The following PANK2 variants were observed in gnomAD, a reference collection of about 807,000 sequenced individuals.
PANK2 encodes pantothenate kinase 2, also known as pantothenate kinase 2, mitochondrial.
PANK2 carries 36 observed loss-of-function variants against 43.1 expected under a neutral mutation model. That is an observed-to-expected ratio of 0.84 (90% CI 0.64 to 1.10). The LOEUF is 1.10. Ranked by LOEUF, PANK2 falls within the 50% of genes least tolerant of loss-of-function variation. The pLI, the probability that PANK2 is intolerant of heterozygous loss-of-function variation, is 0.00. For synonymous variants in PANK2, 281 were observed against 238.2 expected (o/e 1.18, Z -1.66); for missense variants, 576 against 593.3 (o/e 0.97, Z 0.30).
At position 3,918,674 on chromosome 20, in the gene PANK2, A is replaced by G; in HGVS notation, c.1210A>G (p.Ile404Val). The G allele has an allele frequency of 6.2e-7, 1 of 1,614,268 alleles. No homozygotes were observed. The highest frequency in any genetic ancestry group is 8.5e-7 in the Non-Finnish European group (1 of 1,180,036). ...TGCCTTTTTTTGGTGTGCTCAGAAC[A>G]TTAACCAGGTGGTATTTGTTGGAAA... Residue 404 changes from isoleucine to valine, a missense_variant, in exon 6 of 7, where the codon ATT becomes GTT. Coordinates refer to ENST00000610179, the MANE Select transcript of PANK2 (RefSeq NM_001386393.1).
intron 4 of PANK2, among the ~76,000 whole-genome samples, chr20:3,912,950 A>AAG (rs1243649707): frequency 2.6e-5 from 4 of 151,026 alleles, no homozygotes; most frequent in Non-Finnish European, 5.9e-5. Context: ...AAAAAAAAAA[A>AAG]AAAAGACATA....
intron 3 of PANK2, among the ~76,000 whole-genome samples, chr20:3,912,069 T>A (rs1450980092): frequency 6.6e-6 from 1 of 152,038 alleles, no homozygotes; most frequent in Non-Finnish European, 1.5e-5. Flanking sequence ...AGGAGTATGT[T>A]TGGGGGTGTA....
intron 6 of PANK2, 135 bp from the exon 7 acceptor site, chr20:3,923,109 G>T (rs2090672396): frequency 2.0e-6 from 2 of 1,002,136 alleles, no homozygotes; most frequent in African/African-American, 1.6e-5. Flanking sequence ...GGCTGGCCTT[G>T]GCCCTTCTGG....
chr20:3,901,500 T>C (rs2090301300), intron 1 of PANK2: 1 of 553,704 alleles, frequency 1.8e-6, no homozygotes. Context: ...TTCTATATTC[T>C]TGTGTAGAAT....
chr20:3,900,201 G>C (rs1266597074), intron 1 of PANK2, among the ~76,000 whole-genome samples: 1 of 151,912 alleles, frequency 6.6e-6, no homozygotes. Flanking sequence ...TGAGTTAAGT[G>C]AATGGTGCCA....
intron 2 of PANK2, among the ~76,000 whole-genome samples, chr20:3,909,551 C>T (rs12480318): frequency 0.071 from 10,799 of 151,662 alleles, 469 homozygotes; most frequent in East Asian, 0.15. Flanking sequence ...GACTAACATG[C>T]CTTGGAGTTC....
intron 1 of PANK2, among the ~76,000 whole-genome samples, chr20:3,904,595 A>T (rs1024595841): frequency 2.0e-5 from 3 of 152,218 alleles, no homozygotes; most frequent in Non-Finnish European, 4.4e-5. Context: ...AAGGTGAAAA[A>T]TAAATAGAAA....
At chr20:3,908,417 T>G in intron 2 of PANK2, 139 bp downstream of exon 2, 1 of 860,244 alleles carries the variant, frequency 1.2e-6, no homozygotes, top group East Asian at 2.7e-5. Context: ...GGTACGCTAG[T>G]GATAGGAGTT....
intron 6 of PANK2, 60 bp downstream of exon 6, chr20:3,918,856 T>C (rs2090604505): frequency 1.2e-6 from 2 of 1,613,154 alleles, no homozygotes; most frequent in Non-Finnish European, 1.7e-6. Context: ...GGTCACACTG[T>C]CATGGAACTT....
intron 4 of PANK2, 42 bp downstream of exon 4, chr20:3,912,676 G>A: frequency 6.2e-7 from 1 of 1,608,764 alleles, no homozygotes; most frequent in Middle Eastern, 1.8e-4. Context: ...GGCGGGCCGG[G>A]CGCGGTGGCT....
intron 1 of PANK2, among the ~76,000 whole-genome samples, chr20:3,893,923 TGTTTTTTG>T (rs749446651): frequency 1.8e-4 from 18 of 98,632 alleles, no homozygotes; most frequent in South Asian, 3.2e-4. Context: ...TTTTTTTGTT[TGTTTTTTG>T]TTTTTTTTTT....
chr20:3,899,375 T>C (rs2090262711), intron 1 of PANK2, among the ~76,000 whole-genome samples: 1 of 151,358 alleles, frequency 6.6e-6, no homozygotes, highest in Non-Finnish European at 1.5e-5. Context: ...TTCACCATGT[T>C]AGTCAGGCTG....
rs183051267 is a variant in PANK2 at position 3,902,085 on chromosome 20, G to A, written c.299-5841G>A. Among the ~76,000 whole-genome samples the A allele has an allele frequency of 2.0e-5, 3 of 151,630 alleles. No individual in the cohort carries two copies. In the East Asian group the frequency reaches 5.8e-4, roughly 29 times the overall value. On this transcript the variant is annotated intron_variant, in intron 1 of 6. Transcript: ENST00000610179. The stretch of plus-strand genomic sequence containing the variant: ...CCCTTAGAGTAACCTGATGATTGGT[G>A]TCTTCCCTTTCCCCAAGGAAATTTC...
intron 1 of PANK2, among the ~76,000 whole-genome samples, chr20:3,907,298 C>T (rs1363759937): frequency 6.6e-6 from 1 of 151,882 alleles, no homozygotes; most frequent in East Asian, 1.9e-4. Context: ...GGGGTTTTAC[C>T]ATATTGGTCA....
intron 1 of PANK2, among the ~76,000 whole-genome samples, chr20:3,906,472 AGCCTATTGAACATCATAG>A (rs1174766825): frequency 4.6e-5 from 7 of 152,108 alleles, no homozygotes; most frequent in African/African-American, 1.7e-4. Context: ...TAATATACCC[AGCCTATTGAACATCATAG>A]CTTAGCCAAA....
intron 1 of PANK2, among the ~76,000 whole-genome samples, chr20:3,907,073 G>C (rs1314509094): frequency 6.8e-6 from 1 of 147,686 alleles, no homozygotes; most frequent in East Asian, 2.0e-4. Context: ...GGGATTACAG[G>C]CGTGAGCCAC....
rs533692728 is a variant in PANK2, at chr20:3,896,188, G to T, written c.298+6460G>T. On this transcript the variant is annotated intron_variant, in intron 1 of 6. Coordinates refer to ENST00000610179, the MANE Select transcript of PANK2 (RefSeq NM_001386393.1). ...GCCCTTTCTCTTGGCTCAGCCTCCT[G>T]AGTAGCTGGGACTACAGGTGCCCGC... Among the ~76,000 whole-genome samples the T allele has an allele frequency of 2.0e-5, 3 of 149,532 alleles. No homozygotes were observed. In the East Asian group the frequency reaches 5.9e-4, roughly 29 times the overall value.
chr20:3,905,420 C>A (rs570358989), intron 1 of PANK2, among the ~76,000 whole-genome samples: 1 of 150,992 alleles, frequency 6.6e-6, no homozygotes, highest in South Asian at 2.1e-4. Flanking sequence ...GCATGATCTC[C>A]GCTCACTGCT....
At chr20:3,922,227 G>A (rs576404777) in intron 6 of PANK2, among the ~76,000 whole-genome samples, 2 of 152,272 alleles carry the variant, frequency 1.3e-5, no homozygotes, top group South Asian at 4.1e-4. Flanking sequence ...TACCTTACAG[G>A]TTGGAGACCC....
Sources: gnomAD v4.1 joint callset for allele counts (sites outside exome capture counted in the v4.1 genomes callset) on GRCh38, gnomAD v4.1.1 for gene constraint, MANE v1.5 for transcripts, NCBI Gene and HGNC (gene_info 2026-07-23, HGNC 2026-07-21) for gene names.